Variants in NELL1 observed in about 807,000 individuals in gnomAD.
NELL1 encodes the protein protein kinase C-binding protein NELL1.
In NELL1, 76 loss-of-function variants were observed where a neutral mutation model predicts 107.4. The observed-to-expected ratio is 0.71, with a 90% confidence interval of 0.59 to 0.86. The LOEUF (loss-of-function observed/expected upper bound fraction) is 0.86. Ranked by LOEUF, NELL1 falls within the 40% of genes least tolerant of loss-of-function variation. The pLI, the probability that NELL1 is intolerant of heterozygous loss-of-function variation, is 0.00. For missense variants in NELL1, 1,024 were observed against 1,005.5 expected (o/e 1.02, Z -0.25); for synonymous variants, 353 against 341.2 (o/e 1.03, Z -0.38).
chr11:20,755,534 G>GTTTTT (rs1364309032), intron 2 of NELL1, among the ~76,000 whole-genome samples: 13 of 90,282 alleles, frequency 1.4e-4, no homozygotes, highest in African/African-American at 4.1e-4. Flanking sequence ...ACCTGTGTGG[G>GTTTTT]TTTTTGTTTT....
intron 14 of NELL1, among the ~76,000 whole-genome samples, chr11:21,288,408 C>T (rs995076036): frequency 8.5e-5 from 13 of 152,148 alleles, no homozygotes; most frequent in Admixed American, 5.2e-4. Flanking sequence ...GCTTTGTTTA[C>T]AATTCTGGTG....
At chr11:20,902,256 C>A (rs984664898) in intron 5 of NELL1, among the ~76,000 whole-genome samples, 1 of 151,052 alleles carries the variant, frequency 6.6e-6, no homozygotes, top group South Asian at 2.1e-4. Flanking sequence ...TGAAGAAATG[C>A]TGCAAATCAA....
At chr11:21,161,008 C>T (rs1379169452) in intron 13 of NELL1, among the ~76,000 whole-genome samples, 15 of 120,980 alleles carry the variant, frequency 1.2e-4, no homozygotes, top group African/African-American at 4.6e-4. Flanking sequence ...TATACACACA[C>T]ACACACACAC....
chr11:20,983,856 G>T (rs1189133435), intron 12 of NELL1, among the ~76,000 whole-genome samples: 1 of 152,140 alleles, frequency 6.6e-6, no homozygotes, highest in Non-Finnish European at 1.5e-5. Flanking sequence ...TAAGGAACAA[G>T]ATGGATCCTT....
intron 15 of NELL1, among the ~76,000 whole-genome samples, chr11:21,446,756 C>G (rs1474969823): frequency 6.6e-6 from 1 of 152,202 alleles, no homozygotes; most frequent in Non-Finnish European, 1.5e-5. Context: ...GCCCAAGGCT[C>G]ACTGTAACCA....
chr11:20,893,456 T>C (rs1849660897), intron 5 of NELL1, among the ~76,000 whole-genome samples: 1 of 151,664 alleles, frequency 6.6e-6, no homozygotes, highest in Non-Finnish European at 1.5e-5. Flanking sequence ...GGTGATCTGA[T>C]TTAAAGTGTT....
chr11:21,534,890 G>T (rs565383276), intron 16 of NELL1, among the ~76,000 whole-genome samples: 1 of 152,248 alleles, frequency 6.6e-6, no homozygotes, highest in South Asian at 2.1e-4. Flanking sequence ...ACTGGATTTA[G>T]ATTAAGAAAG....
chr11:20,975,809 A>ATATGTG (rs1851603769), intron 12 of NELL1, among the ~76,000 whole-genome samples: 7 of 128,368 alleles, frequency 5.5e-5, no homozygotes, highest in African/African-American at 1.9e-4. Flanking sequence ...TATGATATAC[A>ATATGTG]TATTATATAT....
intron 2 of NELL1, among the ~76,000 whole-genome samples, chr11:20,749,395 T>C (rs1240675928): frequency 1.3e-5 from 2 of 151,840 alleles, no homozygotes; most frequent in African/African-American, 4.8e-5. Flanking sequence ...GCCCAGGAGT[T>C]CAAGACAAGC....
chr11:20,747,016 G>C (rs1490541324), intron 2 of NELL1, among the ~76,000 whole-genome samples: 1 of 152,158 alleles, frequency 6.6e-6, no homozygotes, highest in Non-Finnish European at 1.5e-5. Context: ...TTATTGGTCT[G>C]CTCCCCTTTG....
chr11:21,463,785 C>T (rs1266095479), intron 15 of NELL1, among the ~76,000 whole-genome samples: 1 of 152,068 alleles, frequency 6.6e-6, no homozygotes, highest in Non-Finnish European at 1.5e-5. Flanking sequence ...TCAGACAAGG[C>T]CAACTAGAGG....
intron 16 of NELL1, among the ~76,000 whole-genome samples, chr11:21,552,854 A>C (rs2133992186): frequency 6.6e-6 from 1 of 151,862 alleles, no homozygotes; most frequent in East Asian, 2.0e-4. Flanking sequence ...TCCTTGATCA[A>C]TGTCTTAACT....
intron 5 of NELL1, among the ~76,000 whole-genome samples, chr11:20,896,852 CAAGGGATGTG>C (rs1279367507): frequency 2.6e-5 from 4 of 152,044 alleles, no homozygotes; most frequent in Non-Finnish European, 5.9e-5. Flanking sequence ...ATCCAACTTA[CAAGGGATGTG>C]AAGGACCTCT....
intron 15 of NELL1, among the ~76,000 whole-genome samples, chr11:21,456,314 G>A (rs1210917319): frequency 6.6e-6 from 1 of 151,870 alleles, no homozygotes. Flanking sequence ...CTATTGCTGT[G>A]TCTGCACTTT....
intron 2 of NELL1, among the ~76,000 whole-genome samples, chr11:20,732,895 A>G (rs1187031372): frequency 6.6e-6 from 1 of 152,174 alleles, no homozygotes; most frequent in Non-Finnish European, 1.5e-5. Flanking sequence ...GCCAGGTACC[A>G]TTCCAGGTTC....
chr11:21,430,115 A>C (rs1852929957), intron 15 of NELL1, among the ~76,000 whole-genome samples: 1 of 152,188 alleles, frequency 6.6e-6, no homozygotes, highest in Admixed American at 6.5e-5. Context: ...ATAAGCAAGT[A>C]CATGGAAGGC....
chr11:21,047,831 A>T (rs1442660379), intron 12 of NELL1, among the ~76,000 whole-genome samples: 3 of 152,156 alleles, frequency 2.0e-5, no homozygotes, highest in Non-Finnish European at 4.4e-5. Context: ...CATGCAGTCT[A>T]AAAGGTGTAC....
At chr11:21,375,704 C>G (rs574391896) in intron 15 of NELL1, among the ~76,000 whole-genome samples, 40 of 152,148 alleles carry the variant, frequency 2.6e-4, no homozygotes, top group Non-Finnish European at 4.9e-4. Flanking sequence ...TGCAGCCTCA[C>G]CAGCATCTGT....
chr11:20,991,957 C>T (rs1051912976), intron 12 of NELL1, among the ~76,000 whole-genome samples: 8 of 140,232 alleles, frequency 5.7e-5, no homozygotes, highest in African/African-American at 1.7e-4. Context: ...CAACCCCTCT[C>T]CTTCTTTGGT....
Sources: gnomAD v4.1 joint callset for allele counts (sites outside exome capture counted in the v4.1 genomes callset) on GRCh38, gnomAD v4.1.1 for gene constraint, MANE v1.5 for transcripts, NCBI Gene and HGNC (gene_info 2026-07-23, HGNC 2026-07-21) for gene names.